The following NAALADL2 variants were observed in gnomAD, a reference collection of about 807,000 sequenced individuals.
NAALADL2 encodes N-acetylated alpha-linked acidic dipeptidase like 2.
In NAALADL2, 76 loss-of-function variants were observed where a neutral mutation model predicts 87.2. The ratio of observed to expected loss-of-function variants is 0.87; its 90% confidence interval spans 0.72 to 1.05. The LOEUF (loss-of-function observed/expected upper bound fraction) is 1.05. NAALADL2 is among the 50% of genes least tolerant of loss of function. The probability of loss-of-function intolerance (pLI) is 0.00; values close to 1 mark genes in which losing one functional copy is unlikely to be tolerated. For synonymous variants in NAALADL2, 354 were observed against 331.0 expected, an observed-to-expected ratio of 1.07 and a Z score of -0.75; for missense variants, 1,089 against 945.8, an observed-to-expected ratio of 1.15 and a Z score of -1.99.
intron 10 of NAALADL2, among the ~76,000 whole-genome samples, chr3:175,586,307 TA>T (rs199827235): frequency 0.027 from 3,984 of 149,298 alleles, 175 homozygotes; most frequent in African/African-American, 0.089. Flanking sequence ...TGTTAAAAAA[TA>T]AAAAAAAAAT....
chr3:175,035,097 C>T (rs1753250880), intron 1 of NAALADL2, among the ~76,000 whole-genome samples: 1 of 152,060 alleles, frequency 6.6e-6, no homozygotes, highest in South Asian at 2.1e-4. Context: ...TAATTTGTCC[C>T]ACGACCAACT....
At chr3:174,746,762 A>T (rs1734300500) in intron 3 of NAALADL2, among the ~76,000 whole-genome samples, 2 of 152,172 alleles carry the variant, frequency 1.3e-5, no homozygotes, top group Non-Finnish European at 2.9e-5. Flanking sequence ...TAGAGATCTC[A>T]GAAATAAGAC....
chr3:175,070,658 A>G (rs760069152), intron 1 of NAALADL2, among the ~76,000 whole-genome samples: 4 of 152,084 alleles, frequency 2.6e-5, no homozygotes, highest in Non-Finnish European at 4.4e-5. Context: ...TCAAATATGC[A>G]GATACTTTTT....
In NAALADL2 at chr3:174,745,355, A is replaced by G. The variant is rs566447118; in HGVS notation, c.-9+7609A>G. On this transcript the variant is annotated intron_variant, in intron 3 of 3. Transcript: ENST00000434257. ...CTAGAAGATCTAAAAAAAACTGATAAATTCCTGGACACATACACCCTTCCA... is the reference window on the plus strand; with the variant it reads ...CTAGAAGATCTAAAAAAAACTGATAGATTCCTGGACACATACACCCTTCCA... 2.0e-5 allele frequency among the ~76,000 whole-genome samples: 3 copies of G among 152,304 alleles called. No individual in the cohort carries two copies. In the East Asian group the frequency reaches 5.8e-4, roughly 29 times the overall value.
chr3:175,492,263 A>T (rs1728210343), intron 9 of NAALADL2, among the ~76,000 whole-genome samples: 1 of 152,180 alleles, frequency 6.6e-6, no homozygotes, highest in South Asian at 2.1e-4. Flanking sequence ...ATTGGACTCA[A>T]TTGCTGCTCA....
intron 1 of NAALADL2, among the ~76,000 whole-genome samples, chr3:174,896,951 T>C (rs1180584929): frequency 1.3e-5 from 2 of 152,180 alleles, no homozygotes; most frequent in Non-Finnish European, 2.9e-5. Context: ...TAAATGGTGC[T>C]GAGAAACTGG....
chr3:174,652,989 A>C (rs1724528930), intron 2 of NAALADL2, among the ~76,000 whole-genome samples: 1 of 152,204 alleles, frequency 6.6e-6, no homozygotes, highest in South Asian at 2.1e-4. Flanking sequence ...AAGGGAATGC[A>C]AACAAAAGCA....
chr3:174,888,574 G>A (rs1214713760), intron 1 of NAALADL2, among the ~76,000 whole-genome samples: 7 of 152,114 alleles, frequency 4.6e-5, no homozygotes, highest in South Asian at 4.1e-4. Context: ...CTTTGCTTAC[G>A]TTAGAACGTG....
Position 175,711,953 on chromosome 3 carries a change from G to A in NAALADL2, c.1897-25353G>A, listed in dbSNP as rs368110279. On this transcript the variant is annotated intron_variant, in intron 11 of 13. Transcript: ENST00000454872. ...CTTTATCCAAGTGTCTTTCATTATA[G>A]AGAAATATACATTTGCAAAAGGTTT... Among the ~76,000 whole-genome samples, 20 of 151,758 alleles carry A rather than the reference G, an allele frequency of 1.3e-4. 1 individual carries two copies. The highest frequency in any genetic ancestry group is 9.9e-4 in the Admixed American group (15 of 15,196).
At chr3:174,892,806 C>CA (rs1341448215) in intron 1 of NAALADL2, among the ~76,000 whole-genome samples, 1 of 151,396 alleles carries the variant, frequency 6.6e-6, no homozygotes, top group Admixed American at 6.6e-5. Flanking sequence ...CCTGTAGTCC[C>CA]AGCTACTCGG....
intron 3 of NAALADL2, among the ~76,000 whole-genome samples, chr3:174,755,879 A>G (rs1043932204): frequency 1.2e-4 from 18 of 152,196 alleles, no homozygotes; most frequent in Non-Finnish European, 1.8e-4. Flanking sequence ...CCCAATATGA[A>G]TCTGCAAGGC....
chr3:175,216,668 C>CTTTTTTTTTTTTTTTT (rs3067029), intron 2 of NAALADL2, among the ~76,000 whole-genome samples: 4 of 87,344 alleles, frequency 4.6e-5, no homozygotes, highest in Admixed American at 1.3e-4. Flanking sequence ...TTTTTCTTTT[C>CTTTTTTTTTTTTTTTT]TTTTTTTTTT....
At chr3:175,775,699 T>C (rs1356093290) in intron 13 of NAALADL2, among the ~76,000 whole-genome samples, 1 of 152,086 alleles carries the variant, frequency 6.6e-6, no homozygotes, top group Admixed American at 6.6e-5. Flanking sequence ...ATGAAATTGC[T>C]TTGGGCACCC....
intron 1 of NAALADL2, among the ~76,000 whole-genome samples, chr3:174,963,491 C>A (rs1446331464): frequency 2.0e-5 from 3 of 151,990 alleles, no homozygotes; most frequent in African/African-American, 7.2e-5. Context: ...TTGGGGAAAA[C>A]CTTATAGTAA....
chr3:175,717,576 C>CA (rs1171160612), intron 11 of NAALADL2, among the ~76,000 whole-genome samples: 1 of 151,066 alleles, frequency 6.6e-6, no homozygotes, highest in Non-Finnish European at 1.5e-5. Context: ...CCTGTGGTCC[C>CA]AGCTACTTGG....
intron 1 of NAALADL2, among the ~76,000 whole-genome samples, chr3:175,007,281 A>AT (rs1207958923): frequency 6.6e-6 from 1 of 152,022 alleles, no homozygotes; most frequent in Admixed American, 6.6e-5. Context: ...AGTAAGTAGG[A>AT]TTTTTTAAGC....
chr3:175,090,170 C>T (rs867859274), intron 1 of NAALADL2, among the ~76,000 whole-genome samples: 1 of 151,888 alleles, frequency 6.6e-6, no homozygotes, highest in Non-Finnish European at 1.5e-5. Flanking sequence ...AAAAAAGGAG[C>T]CCATGGCAGG....
At chr3:175,722,176 A>G (rs1355434248) in intron 11 of NAALADL2, among the ~76,000 whole-genome samples, 1 of 152,056 alleles carries the variant, frequency 6.6e-6, no homozygotes, top group African/African-American at 2.4e-5. Context: ...TTCAACCCCT[A>G]TATTCTTATC....
At chr3:174,605,765 G>A (rs955517517) in intron 2 of NAALADL2, among the ~76,000 whole-genome samples, 7 of 152,160 alleles carry the variant, frequency 4.6e-5, no homozygotes, top group Non-Finnish European at 8.8e-5. Context: ...AAGGACAGCA[G>A]TAACCTCTGC....
Sources: gnomAD v4.1 joint callset for allele counts (sites outside exome capture counted in the v4.1 genomes callset) on GRCh38, gnomAD v4.1.1 for gene constraint, MANE v1.5 for transcripts, NCBI Gene and HGNC (gene_info 2026-07-23, HGNC 2026-07-21) for gene names.